ARHGEF1: variants seen among roughly 807,000 people sequenced by gnomAD.
ARHGEF1 encodes the protein 115 kDa guanine nucleotide exchange factor.
Under a neutral mutation model 119.7 loss-of-function variants are expected in ARHGEF1, and 40 were observed. That is an observed-to-expected ratio of 0.33 (90% CI 0.26 to 0.44). ARHGEF1 has a LOEUF of 0.44. Among genes scored for constraint, ARHGEF1 ranks in the 20% least tolerant of loss-of-function variants. The pLI is 1.00. For synonymous variants in ARHGEF1, 494 were observed against 521.0 expected, an observed-to-expected ratio of 0.95 and a Z score of 0.71; for missense variants, 976 against 1,268.3, an observed-to-expected ratio of 0.77 and a Z score of 3.50.
chr19:41,898,244 TGGA>T, intron 13 of ARHGEF1, 195 bp from the exon 14 acceptor site: 2 of 1,310,974 alleles, frequency 1.5e-6, no homozygotes, highest in Non-Finnish European at 1.0e-6. Flanking sequence ...TCACAGACCT[TGGA>T]GGAGGAGGGG....
At position 41,905,877 on chromosome 19, in the gene ARHGEF1, G is replaced by T. The variant is rs782106960; in HGVS notation, c.2404+50G>T. 1 of 1,613,526 alleles carries T rather than the reference G, an allele frequency of 6.2e-7. No individual in the cohort carries two copies. Among genetic ancestry groups the T allele is most frequent in the Non-Finnish European group, 8.5e-7 (1 of 1,179,444 alleles). ...AGGGGCCAGGTTGGGGCTGCCGGGT[G>T]AAGAGAGGCATCCACAGGAGGCCCG... On this transcript the variant is annotated intron_variant, in intron 25 of 28. Transcript: ENST00000354532. The surrounding 1 kb of genome is among the most constrained non-coding windows in gnomAD (Gnocchi z 6.4).
Position 41,917,938 on chromosome 19 carries a change from G to T in ARHGEF1, c.1866-5154G>T, listed in dbSNP as rs1370764038. 6.6e-6 allele frequency among the ~76,000 whole-genome samples: 1 copy of T among 151,794 alleles called. No homozygotes were observed. The highest frequency in any genetic ancestry group is 1.9e-4 in the East Asian group (1 of 5,182). On this transcript the variant is annotated intron_variant, in intron 18 of 20. Coordinates refer to the ARHGEF1 transcript ENST00000599589. The surrounding 1 kb of genome is among the most constrained non-coding windows in gnomAD (Gnocchi z 4.8). ...GCGGTCACACACTGTGTGTGTGTGT[G>T]CTCACACACCTGTCCGTCCAGACTA...
intron 14 of ARHGEF1, among the ~76,000 whole-genome samples, chr19:41,900,418 C>T (rs563708622): frequency 7.9e-5 from 12 of 152,280 alleles, no homozygotes; most frequent in Admixed American, 4.6e-4. Flanking sequence ...GAGTTGTACA[C>T]GGCTGGTGAC....
chr19:41,904,427 T>C lies in ARHGEF1; in HGVS notation c.2161+44T>C. 1 of 1,503,618 alleles carries C rather than the reference T, an allele frequency of 6.7e-7. No individual in the cohort carries two copies. Among genetic ancestry groups the C allele is most frequent in the Non-Finnish European group, 8.9e-7 (1 of 1,125,996 alleles). The allele number at this position is 1,503,618 out of a possible 1,614,324, so 93.1% of individuals were successfully genotyped here. A position where few individuals can be genotyped will look rare whatever the true frequency, so the allele number is the denominator to read the frequency against. On this transcript the variant is annotated intron_variant, in intron 22 of 28. Transcript: ENST00000354532. The surrounding 1 kb of genome is among the most constrained non-coding windows in gnomAD (Gnocchi z 8.4). Reference sequence around the variant, plus strand: ...TGGCCCAGGGCAGAGGGTGTCTTTTTTGGGCAGAGCTGCCTGTGGAGTGGG... The same window carrying C: ...TGGCCCAGGGCAGAGGGTGTCTTTTCTGGGCAGAGCTGCCTGTGGAGTGGG...
At position 41,895,561 on chromosome 19, in the gene ARHGEF1, C is replaced by T. The variant is rs2288511; in HGVS notation, c.1015+75C>T. ...GGGGTGCTGCCTGCCCCCTTGGCAC[C>T]CCCAGATAGAAGCCATTCCCCAGCA... is the stretch of plus-strand genomic sequence containing the variant. On this transcript the variant is annotated intron_variant, in intron 12 of 28. Transcript: ENST00000354532. 0.047 allele frequency: 70,042 copies of T among 1,478,688 alleles called. 14,059 individuals are homozygous for T. The African/African-American group carries it at 0.58, about 12-fold the overall frequency. 91.6% of individuals were successfully genotyped at this position (1,478,688 alleles called of 1,614,324 possible). A position where few individuals can be genotyped will look rare whatever the true frequency, so the allele number is the denominator to read the frequency against.
At position 41,906,592 on chromosome 19, in the gene ARHGEF1, G is replaced by A; in HGVS notation, c.2627G>A (p.Ser876Asn). Residue 876 changes from serine to asparagine, a missense_variant, in exon 27 of 29, where the codon AGC (serine) becomes AAC (asparagine). By Grantham distance (46) the Ser-to-Asn change is conservative. Coordinates refer to ENST00000354532, the MANE Select transcript of ARHGEF1 (RefSeq NM_004706.4). This position sits in a 1 kb window ranked among gnomAD's most constrained non-coding sequence, Gnocchi z 4.5. Reference sequence around the variant, plus strand: ...CAGGAAATCCAGGAGAACCTGCTCAGCTTGGAGGAGACCATGAAGCAGCTG... The same window carrying A: ...CAGGAAATCCAGGAGAACCTGCTCAACTTGGAGGAGACCATGAAGCAGCTG... Reference protein sequence around the residue: ...RTQEIQENLLSLEETMKQLEE... With the variant: ...RTQEIQENLLNLEETMKQLEE... 1 of 1,607,118 alleles carries A rather than the reference G, an allele frequency of 6.2e-7. No homozygotes were observed. The highest frequency in any genetic ancestry group is 8.5e-7 in the Non-Finnish European group (1 of 1,177,842).
chr19:41,884,319 C>G, intron 1 of ARHGEF1: 1 of 1,205,376 alleles, frequency 8.3e-7, no homozygotes, highest in Non-Finnish European at 1.2e-6. Flanking sequence ...GTCGTCGGGG[C>G]CGGAGCCCGG....
Position 41,905,463 on chromosome 19 carries a change from CATGTGT to C in ARHGEF1, c.2336+203_2336+208del. 1.6e-6 allele frequency: 1 copy of C among 617,206 alleles called. No individual in the cohort carries two copies. Among genetic ancestry groups the C allele is most frequent in the South Asian group, 2.0e-5 (1 of 51,038 alleles). The allele number at this position is 617,206 out of a possible 1,614,324, so 38.2% of individuals were successfully genotyped here. ...GTGTATGCATGCATGTGTGCGTGTG[CATGTGT>C]GTGCGTGTATGGTGTGTGTGTATGC... On this transcript the variant is annotated intron_variant, in intron 24 of 28. Coordinates refer to ENST00000354532, the MANE Select transcript of ARHGEF1 (RefSeq NM_004706.4). The surrounding 1 kb of genome is among the most constrained non-coding windows in gnomAD (Gnocchi z 6.4).
intron 8 of ARHGEF1, 79 bp downstream of exon 8, chr19:41,893,382 G>A: frequency 1.6e-6 from 2 of 1,225,036 alleles, no homozygotes; most frequent in Non-Finnish European, 2.2e-6. Flanking sequence ...CTGGGTCTGA[G>A]GGAGGAGGAG....
At chr19:41,910,235 C>G, downstream of ARHGEF1, 1 of 827,732 alleles carries the variant, frequency 1.2e-6, no homozygotes, top group Non-Finnish European at 1.9e-6. This position sits in a 1 kb window ranked among gnomAD's most constrained non-coding sequence, Gnocchi z 4.4. Context: ...TTTCCACACT[C>G]CAAACCTCCT....
In ARHGEF1 at chr19:41,888,505, A is replaced by G. The variant is rs1482878361; in HGVS notation, c.111+227A>G. ...TATCGTTGCTCTCTCCTCCCCCAGCATGGACCCCAATTTCTTCTCTCCTAA... is the reference window on the plus strand; with the variant it reads ...TATCGTTGCTCTCTCCTCCCCCAGCGTGGACCCCAATTTCTTCTCTCCTAA... On this transcript the variant is annotated intron_variant, in intron 3 of 28. Coordinates refer to ENST00000354532, the MANE Select transcript of ARHGEF1 (RefSeq NM_004706.4). This position sits in a 1 kb window ranked among gnomAD's most constrained non-coding sequence, Gnocchi z 5.1. Among the ~76,000 whole-genome samples the G allele has an allele frequency of 1.3e-5, 2 of 152,084 alleles. No homozygotes were observed. Among genetic ancestry groups the G allele is most frequent in the Non-Finnish European group, 1.5e-5 (1 of 68,008 alleles).
At position 41,884,576 on chromosome 19, in the gene ARHGEF1, T is replaced by A. The variant is rs1310372115; in HGVS notation, c.-20+1287T>A. ...ATCCCTGGCCGTGCACACTGCCACG[T>A]CCCCCGTAGGATTTAGGGCCCGCGT... is the stretch of plus-strand genomic sequence containing the variant. On this transcript the variant is annotated intron_variant, in intron 1 of 28. Transcript: ENST00000354532. 1.1e-5 allele frequency: 17 copies of A among 1,541,118 alleles called. No homozygotes were observed. The East Asian group carries it at 1.8e-4, about 17-fold the overall frequency.
Position 41,896,368 on chromosome 19 carries a change from A to C in ARHGEF1, c.1016-9A>C. The C allele has an allele frequency of 2.1e-6, 3 of 1,403,412 alleles. No homozygotes were observed. Among genetic ancestry groups the C allele is most frequent in the African/African-American group, 1.5e-5 (1 of 67,706 alleles). 86.9% of individuals were successfully genotyped at this position (1,403,412 alleles called of 1,614,324 possible). ...CCTTCCAGCCAGCCCTGCTCCCTCC[A>C]CCCCACAGGTGCTGACGCCCCCCTG... On this transcript the variant is annotated splice_polypyrimidine_tract_variant and intron_variant, in intron 12 of 28. Transcript: ENST00000354532.
At position 41,888,285 on chromosome 19, in the gene ARHGEF1, G is replaced by A. The variant is rs1555845614; in HGVS notation, c.111+7G>A. ...TGAGAACGAGCTGGAGACAGTGAGT[G>A]GGAGATAGGGTGGAAAAGCTCTGTC... is the stretch of plus-strand genomic sequence containing the variant. On this transcript the variant is annotated splice_region_variant and intron_variant, in intron 3 of 28. Coordinates refer to ENST00000354532, the MANE Select transcript of ARHGEF1 (RefSeq NM_004706.4). This position sits in a 1 kb window ranked among gnomAD's most constrained non-coding sequence, Gnocchi z 5.1. The A allele has an allele frequency of 8.1e-6, 13 of 1,613,384 alleles. No individual in the cohort carries two copies. The highest frequency in any genetic ancestry group is 1.1e-5 in the Non-Finnish European group (13 of 1,179,856).
chr19:41,907,432 A>AAT lies in ARHGEF1; in HGVS notation c.*352_*353dup, dbSNP rs1398470477. On this transcript the variant is annotated 3_prime_UTR_variant, in exon 29 of 29. Transcript: ENST00000354532. ...ACCCTGAATTGGAGGTTTATTTTTT[A>AAT]ATATATATTATCTAAGAAGAGATCT... 8 of 1,522,858 alleles carry AAT rather than the reference A, an allele frequency of 5.3e-6. No homozygotes were observed. Among genetic ancestry groups the AAT allele is most frequent in the Non-Finnish European group, 6.1e-6 (7 of 1,140,920 alleles). 94.3% of individuals were successfully genotyped at this position (1,522,858 alleles called of 1,614,324 possible).
Position 41,894,242 on chromosome 19 carries a change from G to A in ARHGEF1, c.680G>A (p.Arg227His), listed in dbSNP as rs781954798. ...AVVNAIGLYMRHLGVRTKSGD... is the reference protein window; with the variant it reads ...AVVNAIGLYMHHLGVRTKSGD... Reference sequence around the variant, plus strand: ...GTCAACGCCATTGGCCTGTACATGCGCCACCTTGGGGTGCGGACCAAGAGT... The same window carrying A: ...GTCAACGCCATTGGCCTGTACATGCACCACCTTGGGGTGCGGACCAAGAGT... Residue 227 changes from arginine to histidine, a missense_variant, in exon 9 of 29, where the codon CGC (arginine) becomes CAC (histidine). Physicochemically the swap from Arg to His is conservative, Grantham distance 29 (BLOSUM62 0). Around this residue, in one of 3 missense-constraint regions of ARHGEF1, gnomAD observed 519 missense variants for 580.9 expected, o/e 0.89. Transcript: ENST00000354532. 6 of 1,559,148 alleles carry A rather than the reference G, an allele frequency of 3.8e-6. No homozygotes were observed. Among genetic ancestry groups the A allele is most frequent in the South Asian group, 1.2e-5 (1 of 84,392 alleles).
rs782214936 is a variant in ARHGEF1 at position 41,904,022 on chromosome 19, C to A, written c.1918-13C>A. ...TGCCAACCTGCACAAACCATCACCC[C>A]CTCCTGCCCCAGAACCTGGACATCA... is the stretch of plus-strand genomic sequence containing the variant. On this transcript the variant is annotated splice_polypyrimidine_tract_variant and intron_variant, in intron 20 of 28. Coordinates refer to ENST00000354532, the MANE Select transcript of ARHGEF1 (RefSeq NM_004706.4). The surrounding 1 kb of genome is among the most constrained non-coding windows in gnomAD (Gnocchi z 8.4). The A allele has an allele frequency of 6.2e-6, 10 of 1,613,760 alleles. No homozygotes were observed. In the Admixed American group the frequency reaches 8.3e-5, roughly 13 times the overall value.
chr19:41,893,053 AT>A, intron 7 of ARHGEF1: 2 of 1,038,396 alleles, frequency 1.9e-6, no homozygotes, highest in Non-Finnish European at 2.7e-6. Flanking sequence ...TTCCCTTGTC[AT>A]TTCTGGGTCT....
At position 41,888,661 on chromosome 19, in the gene ARHGEF1, G is replaced by T; in HGVS notation, c.112-91G>T. On this transcript the variant is annotated intron_variant, in intron 3 of 28. Coordinates refer to ENST00000354532, the MANE Select transcript of ARHGEF1 (RefSeq NM_004706.4). This position sits in a 1 kb window ranked among gnomAD's most constrained non-coding sequence, Gnocchi z 5.1. ...ACTTCCCAGGAGCTAACCCTGGCTT[G>T]GATCCCTTGTGAAGTGCCAGGAATG... is the stretch of plus-strand genomic sequence containing the variant. 1 of 1,242,230 alleles carries T rather than the reference G, an allele frequency of 8.1e-7. No individual in the cohort carries two copies. Among genetic ancestry groups the T allele is most frequent in the East Asian group, 2.4e-5 (1 of 41,800 alleles). The allele number at this position is 1,242,230 out of a possible 1,614,324, so 77.0% of individuals were successfully genotyped here. A position where few individuals can be genotyped will look rare whatever the true frequency, so the allele number is the denominator to read the frequency against.
Sources: allele counts gnomAD v4.1 joint callset (sites outside exome capture counted in the v4.1 genomes callset), GRCh38; gene constraint gnomAD v4.1.1; regional missense constraint gnomAD v4.1.1; non-coding constraint Gnocchi (gnomAD v3.1); transcripts MANE v1.5; gene names NCBI Gene and HGNC (gene_info 2026-07-23, HGNC 2026-07-21).